Variants in CTNND2 observed in about 807,000 individuals in gnomAD.
CTNND2 encodes the protein catenin delta-2.
In CTNND2, 22 loss-of-function variants were observed where a neutral mutation model predicts 144.4. The observed-to-expected ratio is 0.15, with a 90% CI of 0.11 to 0.22. CTNND2 has a LOEUF of 0.22. Among genes scored for constraint, CTNND2 ranks in the 10% least tolerant of loss-of-function variants. The probability of loss-of-function intolerance (pLI) is 1.00; values close to 1 mark genes in which losing one functional copy is unlikely to be tolerated. For synonymous variants in CTNND2, 751 were observed against 695.6 expected (o/e 1.08, Z -1.25); for missense variants, 1,353 against 1,618.8 (o/e 0.84, Z 2.82).
chr5:11,152,061 A>G (rs965762395), intron 12 of CTNND2, among the ~76,000 whole-genome samples: 1 of 152,206 alleles, frequency 6.6e-6, no homozygotes, highest in African/African-American at 2.4e-5. Flanking sequence ...AGCTTCAAGT[A>G]AAAAGCTTTT....
intron 15 of CTNND2, among the ~76,000 whole-genome samples, chr5:11,091,505 T>C (rs1168010564): frequency 1.3e-5 from 2 of 152,262 alleles, no homozygotes; most frequent in African/African-American, 4.8e-5. Flanking sequence ...ACTTGCAGGA[T>C]AGTTTTTAGT....
In CTNND2 at chr5:11,875,057, T is replaced by C. The variant is rs532788756; in HGVS notation, c.37+28760A>G. ...AAAGAAGAATTCTGACCTCATATAGTAATCATGACTACATCCTTTCACTTA... is the reference window on the plus strand; with the variant it reads ...AAAGAAGAATTCTGACCTCATATAGCAATCATGACTACATCCTTTCACTTA... On this transcript the variant is annotated intron_variant, in intron 1 of 21. Transcript: ENST00000304623. Among the ~76,000 whole-genome samples the C allele has an allele frequency of 3.3e-5, 5 of 152,346 alleles. No homozygotes were observed. The South Asian group carries it at 1.0e-3, about 32-fold the overall frequency.
chr5:11,279,630 C>T (rs1746913357), intron 9 of CTNND2, among the ~76,000 whole-genome samples: 1 of 152,190 alleles, frequency 6.6e-6, no homozygotes, highest in Non-Finnish European at 1.5e-5. Context: ...ACGATTCATC[C>T]ATTGCTATAA....
intron 16 of CTNND2, among the ~76,000 whole-genome samples, chr5:11,034,023 A>C (rs553856043): frequency 6.6e-6 from 1 of 152,352 alleles, no homozygotes; most frequent in East Asian, 1.9e-4. Flanking sequence ...AGGACCTTTA[A>C]GGATATTTGA....
intron 10 of CTNND2, among the ~76,000 whole-genome samples, chr5:11,215,687 T>G (rs1739100629): frequency 6.6e-6 from 1 of 152,220 alleles, no homozygotes; most frequent in Admixed American, 6.5e-5. Flanking sequence ...GGGAAAAATC[T>G]AAATTGCAAA....
chr5:11,556,399 C>G (rs929030314), intron 3 of CTNND2, among the ~76,000 whole-genome samples: 5 of 152,092 alleles, frequency 3.3e-5, no homozygotes, highest in African/African-American at 1.2e-4. Flanking sequence ...AAATGTCTTA[C>G]TTTGTGAAAC....
chr5:11,204,615 A>G (rs1737849067), intron 10 of CTNND2, among the ~76,000 whole-genome samples: 1 of 152,216 alleles, frequency 6.6e-6, no homozygotes, highest in African/African-American at 2.4e-5. Context: ...ACAATAGCAT[A>G]TATTTGCCAA....
chr5:11,241,331 G>A (rs750897141), intron 9 of CTNND2, among the ~76,000 whole-genome samples: 1 of 152,182 alleles, frequency 6.6e-6, no homozygotes, highest in Non-Finnish European at 1.5e-5. Context: ...CATTTATGGG[G>A]AGCAACTCTG....
At chr5:11,570,803 G>C (rs1032322880) in intron 2 of CTNND2, among the ~76,000 whole-genome samples, 5 of 151,936 alleles carry the variant, frequency 3.3e-5, no homozygotes, top group African/African-American at 1.2e-4. Flanking sequence ...TTTATTCTAA[G>C]CAATTCTTTT....
chr5:11,716,874 A>G (rs1223240062), intron 2 of CTNND2, among the ~76,000 whole-genome samples: 3 of 150,790 alleles, frequency 2.0e-5, no homozygotes, highest in African/African-American at 7.3e-5. Context: ...TTTTGTTTGT[A>G]TTTTTGTATT....
At chr5:10,980,671 G>C (rs911261538) in intron 21 of CTNND2, among the ~76,000 whole-genome samples, 1 of 152,156 alleles carries the variant, frequency 6.6e-6, no homozygotes, top group Non-Finnish European at 1.5e-5. Flanking sequence ...ATGATAGACT[G>C]GATAAAGAAA....
At chr5:11,300,361 T>C (rs1749462334) in intron 9 of CTNND2, among the ~76,000 whole-genome samples, 2 of 152,172 alleles carry the variant, frequency 1.3e-5, no homozygotes, top group South Asian at 4.1e-4. Flanking sequence ...ACTATTCTGG[T>C]GGCCCTCTGG....
intron 1 of CTNND2, among the ~76,000 whole-genome samples, chr5:11,897,838 T>C (rs556072629): frequency 6.6e-6 from 1 of 152,344 alleles, no homozygotes; most frequent in East Asian, 1.9e-4. Context: ...CTAGAATTCT[T>C]CATAAACCAT....
chr5:11,461,588 T>A (rs933124183), intron 3 of CTNND2, among the ~76,000 whole-genome samples: 5 of 152,164 alleles, frequency 3.3e-5, no homozygotes, highest in Admixed American at 6.5e-5. Context: ...GTCACCTCTG[T>A]CCCTTCAATG....
intron 3 of CTNND2, among the ~76,000 whole-genome samples, chr5:11,522,439 A>G (rs1383824201): frequency 1.3e-5 from 2 of 152,144 alleles, no homozygotes; most frequent in Non-Finnish European, 2.9e-5. Context: ...CATCATCAAA[A>G]TCTGGTGTTT....
intron 2 of CTNND2, among the ~76,000 whole-genome samples, chr5:11,714,983 T>C (rs1416145235): frequency 1.3e-5 from 2 of 151,988 alleles, no homozygotes; most frequent in Non-Finnish European, 1.5e-5. Flanking sequence ...CGATACATTA[T>C]TATTAGCTAT....
chr5:11,373,263 G>C lies in CTNND2; in HGVS notation c.1178-8373C>G, dbSNP rs77405627. ...TATCTCTAGGGTGGACTTTTTTTAA[G>C]ACAGGGTCTCACTATGTTGCTCAAG... On this transcript the variant is annotated intron_variant, in intron 7 of 21. Transcript: ENST00000304623. Among the ~76,000 whole-genome samples the C allele has an allele frequency of 2.6e-3, 393 of 152,212 alleles. 1 individual carries two copies. Among genetic ancestry groups the C allele is most frequent in the African/African-American group, 8.9e-3 (369 of 41,510 alleles).
chr5:11,437,738 C>T (rs541989274), intron 3 of CTNND2, among the ~76,000 whole-genome samples: 5 of 152,290 alleles, frequency 3.3e-5, no homozygotes, highest in South Asian at 4.1e-4. Flanking sequence ...GGACTGTAAT[C>T]GGAGATGGTC....
chr5:11,736,065 A>G (rs990714210), intron 1 of CTNND2, among the ~76,000 whole-genome samples: 1 of 152,206 alleles, frequency 6.6e-6, no homozygotes, highest in Non-Finnish European at 1.5e-5. Flanking sequence ...ATTAAGTCAC[A>G]TAAGTGGGCC....
Sources: allele counts gnomAD v4.1 joint callset (sites outside exome capture counted in the v4.1 genomes callset), GRCh38; gene constraint gnomAD v4.1.1; transcripts MANE v1.5; gene names NCBI Gene and HGNC (gene_info 2026-07-23, HGNC 2026-07-21).